WSB1: variants seen among roughly 807,000 people sequenced by gnomAD.
The protein encoded by WSB1 is WD repeat and SOCS box containing 1, also known as WD repeat and SOCS box-containing protein 1.
Under a neutral mutation model 50.2 loss-of-function variants are expected in WSB1, and 23 were observed. The ratio of observed to expected loss-of-function variants is 0.46; its 90% confidence interval spans 0.33 to 0.65. WSB1 has a LOEUF of 0.65. Ranked by LOEUF, WSB1 falls within the 30% of genes least tolerant of loss-of-function variation. WSB1 has a pLI of 0.02. For synonymous variants in WSB1, 179 were observed against 172.0 expected (o/e 1.04, Z -0.32); for missense variants, 492 against 522.3 (o/e 0.94, Z 0.56).
intron 1 of WSB1, among the ~76,000 whole-genome samples, chr17:27,299,944 A>G (rs1362448722): frequency 1.4e-5 from 2 of 146,286 alleles, no homozygotes; most frequent in Non-Finnish European, 1.5e-5. Flanking sequence ...TGAATATCAT[A>G]GAAAAGTAGG....
rs56688826 is a variant in WSB1 at position 27,313,463 on chromosome 17, T to G, written c.*1094T>G. ...TAAAAAAAAAAAAAAAAACTCTGTTTCTGCAGGGGATGATATTGGTGAGTT... is the reference window on the plus strand; with the variant it reads ...TAAAAAAAAAAAAAAAAACTCTGTTGCTGCAGGGGATGATATTGGTGAGTT... On this transcript the variant is annotated 3_prime_UTR_variant, in exon 9 of 9. Coordinates refer to ENST00000262394, the MANE Select transcript of WSB1 (RefSeq NM_015626.10). 3.5e-3 allele frequency: 533 copies of G among 152,584 alleles called. 2 individuals are homozygous for G. The highest frequency in any genetic ancestry group is 0.012 in the African/African-American group (507 of 41,542). The allele number at this position is 152,584 out of a possible 1,614,324, so 9.5% of individuals were successfully genotyped here.
intron 5 of WSB1, chr17:27,307,848 G>T: frequency 1.3e-6 from 2 of 1,501,546 alleles, no homozygotes; most frequent in Non-Finnish European, 1.8e-6. Flanking sequence ...CTGGCTACCG[G>T]GCTGGGGGCG....
At chr17:27,311,365 TA>T in intron 7 of WSB1, 143 bp from the exon 8 acceptor site, 1 of 567,946 alleles carries the variant, frequency 1.8e-6, no homozygotes, top group Non-Finnish European at 3.0e-6. Flanking sequence ...TGTAATTGTA[TA>T]AAGCAAGTTA....
Position 27,311,630 on chromosome 17 carries a change from T to TA in WSB1, c.1106+14_1106+15insA. On this transcript the variant is annotated intron_variant, in intron 8 of 8. Transcript: ENST00000262394. The stretch of plus-strand genomic sequence containing the variant: ...TTTAGCTGCTGGGTAAATATATTTT[T>TA]CTCTTTTTTTTTTTTTTTTTTTTTT... The TA allele has an allele frequency of 7.0e-7, 1 of 1,427,370 alleles. No homozygotes were observed. Among genetic ancestry groups the TA allele is most frequent in the Non-Finnish European group, 9.5e-7 (1 of 1,057,312 alleles). 88.4% of individuals were successfully genotyped at this position (1,427,370 alleles called of 1,614,324 possible).
At position 27,300,133 on chromosome 17, in the gene WSB1, G is replaced by C. The variant is rs139962657; in HGVS notation, c.41-1655G>C. 3.9e-3 allele frequency among the ~76,000 whole-genome samples: 543 copies of C among 139,524 alleles called. 2 individuals carry two copies. The highest frequency in any genetic ancestry group is 0.011 in the Admixed American group (136 of 12,766). The allele number at this position is 139,524 out of a possible 152,430, so 91.5% of individuals were successfully genotyped here. On this transcript the variant is annotated intron_variant, in intron 1 of 8. Coordinates refer to ENST00000262394, the MANE Select transcript of WSB1 (RefSeq NM_015626.10). ...CCAGGTGCTATACTAGCTGTTGATG[G>C]AGCATACATTCAGGCTGAAGAAGTA...
intron 1 of WSB1, among the ~76,000 whole-genome samples, chr17:27,298,540 GCAAGACCCTGTCTATAA>G (rs2017085360): frequency 6.6e-6 from 1 of 151,906 alleles, no homozygotes; most frequent in Admixed American, 6.6e-5. Context: ...GGGTAACATA[GCAAGACCCTGTCTATAA>G]AAAATTGTTT....
In WSB1 at chr17:27,312,360, T is replaced by C; in HGVS notation, c.1257T>C (p.Tyr419=). 6.2e-7 allele frequency: 1 copy of C among 1,614,098 alleles called. No homozygotes were observed. Among genetic ancestry groups the C allele is most frequent in the Non-Finnish European group, 8.5e-7 (1 of 1,180,008 alleles). The part of the protein sequence containing the change: ...IPSKLLEFLS[Y]RI ...CCAAGCTTTTGGAGTTTCTCTCGTA[T>C]CGTATTTAGAAGATTCTGCCTTCCC... Residue 419 remains tyrosine, a synonymous_variant, in exon 9 of 9, where the codon TAT becomes TAC. Coordinates refer to ENST00000262394, the MANE Select transcript of WSB1 (RefSeq NM_015626.10).
intron 5 of WSB1, chr17:27,308,849 T>G (rs530503907): frequency 9.1e-7 from 1 of 1,093,110 alleles, no homozygotes; most frequent in South Asian, 4.0e-5. Flanking sequence ...TGCATTGCCT[T>G]TATTTTATGT....
Position 27,312,296 on chromosome 17 carries a change from T to G in WSB1, c.1193T>G (p.Val398Gly), listed in dbSNP as rs1344923801. The G allele has an allele frequency of 6.2e-7, 1 of 1,614,092 alleles. No homozygotes were observed. The highest frequency in any genetic ancestry group is 8.5e-7 in the Non-Finnish European group (1 of 1,180,016). The stretch of plus-strand genomic sequence containing the variant: ...TTATGTCGCATGTCAATCCGAAGAG[T>G]GATGCCCACCCAAGAAGTTCAGGAG... ...QHLCRMSIRR[V>G]MPTQEVQELP... Residue 398 changes from valine to glycine, a missense_variant, in exon 9 of 9, where the codon GTG becomes GGG. Coordinates refer to ENST00000262394, the MANE Select transcript of WSB1 (RefSeq NM_015626.10).
intron 1 of WSB1, among the ~76,000 whole-genome samples, chr17:27,299,231 G>GA (rs774475616): frequency 2.8e-4 from 42 of 152,338 alleles, no homozygotes; most frequent in Non-Finnish European, 5.0e-4. Flanking sequence ...TTTGTATTAA[G>GA]AAAGTTATGT....
At chr17:27,300,687 G>T (rs1422233119) in intron 1 of WSB1, among the ~76,000 whole-genome samples, 5 of 142,954 alleles carry the variant, frequency 3.5e-5, no homozygotes, top group Non-Finnish European at 5.9e-5. Context: ...ATGCATTTTG[G>T]TTTTTTTTGT....
intron 5 of WSB1, chr17:27,307,959 TTTTTTC>T: frequency 8.0e-7 from 1 of 1,251,324 alleles, no homozygotes; most frequent in Non-Finnish European, 1.0e-6. Flanking sequence ...CTTTCTTTCT[TTTTTTC>T]TTTTTTAAAG....
At chr17:27,310,271 C>G (rs2017626023) in intron 7 of WSB1, 97 bp downstream of exon 7, 7 of 1,049,286 alleles carry the variant, frequency 6.7e-6, no homozygotes, top group Non-Finnish European at 1.0e-5. Context: ...ATGTCTCTTC[C>G]TCAACACAAG....
At chr17:27,300,646 T>G (rs1279252959) in intron 1 of WSB1, among the ~76,000 whole-genome samples, 3 of 151,540 alleles carry the variant, frequency 2.0e-5, no homozygotes, top group Non-Finnish European at 4.4e-5. Flanking sequence ...GGAAGACTCT[T>G]AAGGACCAGT....
In WSB1 at chr17:27,301,806, G is replaced by A; in HGVS notation, c.59G>A (p.Gly20Asp). The change falls in exon 2 of 9, where the codon GGT becomes GAT. Residue 20 changes from glycine (G) to aspartate (D), a missense_variant. By Grantham distance (94) the Gly-to-Asp change is moderately conservative (BLOSUM62 -1). Transcript: ENST00000262394. ...CTTTTAGTGAGATTACGTACTATAG[G>A]TGAACTTTTAGCTCCTGCAGCTCCT... ...EKEIVRLRTI[G>D]ELLAPAAPFD... 1 of 1,614,050 alleles carries A rather than the reference G, an allele frequency of 6.2e-7. No individual in the cohort carries two copies. Among genetic ancestry groups the A allele is most frequent in the Non-Finnish European group, 8.5e-7 (1 of 1,179,968 alleles).
Position 27,313,136 on chromosome 17 carries a change from A to G in WSB1, c.*767A>G, listed in dbSNP as rs1014771797. 5 of 152,550 alleles carry G rather than the reference A, an allele frequency of 3.3e-5. No individual in the cohort carries two copies. The highest frequency in any genetic ancestry group is 1.2e-4 in the African/African-American group (5 of 41,434). The allele number at this position is 152,550 out of a possible 1,614,324, so 9.4% of individuals were successfully genotyped here. On this transcript the variant is annotated 3_prime_UTR_variant, in exon 9 of 9. Transcript: ENST00000262394. ...TGGAAGTGAAACACAGTTTATGTAC[A>G]GGGAAAAGGATTTTATTATCCTTAG... is the stretch of plus-strand genomic sequence containing the variant.
chr17:27,299,016 A>C (rs1224428571), intron 1 of WSB1, among the ~76,000 whole-genome samples: 4 of 152,090 alleles, frequency 2.6e-5, no homozygotes, highest in African/African-American at 4.8e-5. Flanking sequence ...CAGCCTTGGC[A>C]ACAGAGCAAG....
chr17:27,305,632 A>G (rs1363301775), intron 4 of WSB1, among the ~76,000 whole-genome samples: 1 of 152,198 alleles, frequency 6.6e-6, no homozygotes, highest in Admixed American at 6.5e-5. Flanking sequence ...GCCTAGGGGT[A>G]ATAAAGCTTA....
chr17:27,298,083 C>T (rs1170903322), intron 1 of WSB1, among the ~76,000 whole-genome samples: 2 of 146,816 alleles, frequency 1.4e-5, no homozygotes, highest in Non-Finnish European at 1.5e-5. Context: ...GGAGATCATG[C>T]CACTGCACTC....
Sources: gnomAD v4.1 joint callset for allele counts (sites outside exome capture counted in the v4.1 genomes callset) on GRCh38, gnomAD v4.1.1 for gene constraint, MANE v1.5 for transcripts, NCBI Gene and HGNC (gene_info 2026-07-23, HGNC 2026-07-21) for gene names.